The following CDH4 variants were observed in gnomAD, a reference collection of about 807,000 sequenced individuals.
CDH4 encodes cadherin-4.
A neutral mutation model predicts 86.0 loss-of-function variants in CDH4; 33 were observed. That is an observed-to-expected ratio of 0.38 (90% CI 0.29 to 0.51). The LOEUF (loss-of-function observed/expected upper bound fraction) is 0.51. Among genes scored for constraint, CDH4 ranks in the 20% least tolerant of loss-of-function variants. The pLI is 0.86. For missense variants in CDH4, 1,114 were observed against 1,307.4 expected, an observed-to-expected ratio of 0.85 and a Z score of 2.28; for synonymous variants, 555 against 549.4, an observed-to-expected ratio of 1.01 and a Z score of -0.14.
intron 2 of CDH4, among the ~76,000 whole-genome samples, chr20:61,505,530 G>C (rs913555449): frequency 6.6e-6 from 1 of 152,194 alleles, no homozygotes; most frequent in African/African-American, 2.4e-5. Flanking sequence ...TATGCAGGGG[G>C]CCCCAGTGTC....
intron 2 of CDH4, among the ~76,000 whole-genome samples, chr20:61,490,587 T>A (rs1178645742): frequency 2.0e-5 from 3 of 151,694 alleles, no homozygotes; most frequent in African/African-American, 7.3e-5. Flanking sequence ...TAATCCCAGC[T>A]ACTCGGGAGG....
chr20:61,327,380 A>T (rs2084542401), intron 2 of CDH4, among the ~76,000 whole-genome samples: 1 of 152,166 alleles, frequency 6.6e-6, no homozygotes, highest in Non-Finnish European at 1.5e-5. Flanking sequence ...AATTTGGTGG[A>T]GGTTGGGGAT....
At chr20:61,320,022 T>C (rs368269782) in intron 2 of CDH4, among the ~76,000 whole-genome samples, 12 of 152,308 alleles carry the variant, frequency 7.9e-5, no homozygotes, top group African/African-American at 2.6e-4. Context: ...TGGTATTTTG[T>C]TGAGCACTTG....
rs1209357742 is a variant in CDH4 at position 61,623,515 on chromosome 20, A to G, written c.170-120048A>G. Among the ~76,000 whole-genome samples, 2 of 152,220 alleles carry G rather than the reference A, an allele frequency of 1.3e-5. No individual in the cohort carries two copies. The highest frequency in any genetic ancestry group is 2.9e-5 in the Non-Finnish European group (2 of 68,048). On this transcript the variant is annotated intron_variant, in intron 2 of 15. Coordinates refer to ENST00000614565, the MANE Select transcript of CDH4 (RefSeq NM_001794.5). The surrounding 1 kb of genome is among the most constrained non-coding windows in gnomAD (Gnocchi z 4.4). ...AAACAATTTCAAGAGCAAATTGAATACCTAAAAAAGTATAATTAATCAAAC... is the reference window on the plus strand; with the variant it reads ...AAACAATTTCAAGAGCAAATTGAATGCCTAAAAAAGTATAATTAATCAAAC...
chr20:61,565,363 A>ATGGTGGTGGTGCTCTTGGTGG (rs2086286261), intron 2 of CDH4, among the ~76,000 whole-genome samples: 1 of 15,516 alleles, frequency 6.4e-5, no homozygotes, highest in Non-Finnish European at 1.1e-4. Flanking sequence ...TGATGGGGTG[A>ATGGTGGTGGTGCTCTTGGTGG]TGGTGGTGGT....
chr20:61,494,552 T>G (rs1040720633), intron 2 of CDH4, among the ~76,000 whole-genome samples: 2 of 152,234 alleles, frequency 1.3e-5, no homozygotes, highest in African/African-American at 4.8e-5. Context: ...AGAGCGATGT[T>G]TAGCACCAGG....
chr20:61,894,817 C>T (rs1013474581), intron 7 of CDH4, 93 bp from the exon 8 acceptor site: 100 of 1,384,690 alleles, frequency 7.2e-5, no homozygotes, highest in Non-Finnish European at 8.7e-5. Flanking sequence ...CCAGGAACTC[C>T]GTTCCTGTAA....
In CDH4 at chr20:61,852,326, G is replaced by C. The variant is rs118146164; in HGVS notation, c.733-428G>C. Among the ~76,000 whole-genome samples, 185 of 152,356 alleles carry C rather than the reference G, an allele frequency of 1.2e-3. 1 individual carries two copies. The highest frequency in any genetic ancestry group is 2.0e-3 in the Admixed American group (30 of 15,306). On this transcript the variant is annotated intron_variant, in intron 5 of 15. Coordinates refer to ENST00000614565, the MANE Select transcript of CDH4 (RefSeq NM_001794.5). ...TCCCCTGGGGACTAACCTTACAGTG[G>C]CAGGAGTTAAGCCCCCGCCCAATTA... is the stretch of plus-strand genomic sequence containing the variant.
intron 4 of CDH4, among the ~76,000 whole-genome samples, chr20:61,818,056 G>A (rs527971295): frequency 1.3e-5 from 2 of 151,626 alleles, no homozygotes; most frequent in Admixed American, 6.6e-5. Flanking sequence ...TTGAGACGGA[G>A]TCTCGCTCTG....
intron 2 of CDH4, among the ~76,000 whole-genome samples, chr20:61,647,756 T>C (rs982557241): frequency 2.0e-5 from 3 of 151,560 alleles, no homozygotes; most frequent in African/African-American, 7.3e-5. Flanking sequence ...CCACGGGGAG[T>C]TGATCACAGG....
intron 2 of CDH4, among the ~76,000 whole-genome samples, chr20:61,261,205 A>C (rs1169627911): frequency 6.6e-6 from 1 of 152,050 alleles, no homozygotes; most frequent in East Asian, 1.9e-4. Flanking sequence ...AGTGATTCCT[A>C]AGTCAGTGAT....
chr20:61,752,856 G>A (rs1272976100), intron 3 of CDH4, among the ~76,000 whole-genome samples: 1 of 152,154 alleles, frequency 6.6e-6, no homozygotes, highest in African/African-American at 2.4e-5. Context: ...AGTTACAGTC[G>A]GTTGAGGGTT....
At chr20:61,806,811 C>T (rs564790190) in intron 4 of CDH4, among the ~76,000 whole-genome samples, 17 of 152,148 alleles carry the variant, frequency 1.1e-4, no homozygotes, top group South Asian at 2.1e-4. Flanking sequence ...ATGTGCACAC[C>T]GTCTCTGTGA....
At chr20:61,789,455 C>T (rs147341326) in intron 4 of CDH4, among the ~76,000 whole-genome samples, 2 of 152,248 alleles carry the variant, frequency 1.3e-5, no homozygotes, top group Non-Finnish European at 2.9e-5. Flanking sequence ...TGGGCTGGCA[C>T]CCACGGGATA....
At chr20:61,441,498 G>T (rs1279371362) in intron 2 of CDH4, among the ~76,000 whole-genome samples, 1 of 152,160 alleles carries the variant, frequency 6.6e-6, no homozygotes, top group African/African-American at 2.4e-5. Context: ...GCTGTGTTCT[G>T]AATGTCTGTG....
intron 2 of CDH4, among the ~76,000 whole-genome samples, chr20:61,614,094 C>A (rs1326676201): frequency 6.6e-6 from 1 of 152,024 alleles, no homozygotes; most frequent in Non-Finnish European, 1.5e-5. Context: ...GTTCCTGGCT[C>A]GGCTCCCAGA....
intron 2 of CDH4, among the ~76,000 whole-genome samples, chr20:61,465,408 G>A (rs990068964): frequency 5.3e-5 from 8 of 151,724 alleles, no homozygotes; most frequent in Admixed American, 2.0e-4. Flanking sequence ...TTTCACACAC[G>A]TGAAATGTTT....
At chr20:61,706,486 G>T (rs527370700) in intron 2 of CDH4, among the ~76,000 whole-genome samples, 2 of 152,192 alleles carry the variant, frequency 1.3e-5, no homozygotes, top group Admixed American at 6.5e-5. Context: ...TGTAGCCAAA[G>T]GCAGCTGTTC....
intron 2 of CDH4, among the ~76,000 whole-genome samples, chr20:61,604,179 A>G (rs2086624676): frequency 6.6e-6 from 1 of 152,242 alleles, no homozygotes; most frequent in Non-Finnish European, 1.5e-5. Context: ...GTCCAAAGCT[A>G]AGAATACAAT....
Sources: gnomAD v4.1 joint callset for allele counts (sites outside exome capture counted in the v4.1 genomes callset) on GRCh38, gnomAD v4.1.1 for gene constraint, Gnocchi (gnomAD v3.1) non-coding constraint, MANE v1.5 for transcripts, NCBI Gene and HGNC (gene_info 2026-07-23, HGNC 2026-07-21) for gene names.